KAZN: variants seen among roughly 807,000 people sequenced by gnomAD.
The protein encoded by KAZN is kazrin.
Under a neutral mutation model 87.4 loss-of-function variants are expected in KAZN, and 40 were observed. That is an observed-to-expected ratio of 0.46 (90% CI 0.36 to 0.60). The LOEUF (loss-of-function observed/expected upper bound fraction) is 0.60, where lower values mean the gene tolerates loss of function less well. Ranked by LOEUF, KAZN falls within the 20% of genes least tolerant of loss-of-function variation. The probability of loss-of-function intolerance (pLI) is 0.00; values close to 1 mark genes in which losing one functional copy is unlikely to be tolerated. For missense variants in KAZN, 898 were observed against 1,073.9 expected (o/e 0.84, Z 2.29); for synonymous variants, 466 against 458.3 (o/e 1.02, Z -0.22).
At position 14,637,312 on chromosome 1, in the gene KAZN, C is replaced by G. The variant is rs184262965; in HGVS notation, c.226+38089C>G. ...CACTTTACTGAGAGCCTTCTAGATG[C>G]CGGGCACTGAGCTGAGTTCTTTGCT... is the stretch of plus-strand genomic sequence containing the variant. On this transcript the variant is annotated intron_variant, in intron 1 of 14. Coordinates refer to ENST00000376030, the MANE Select transcript of KAZN (RefSeq NM_201628.3). 2.6e-3 allele frequency among the ~76,000 whole-genome samples: 400 copies of G among 152,276 alleles called. 1 individual carries two copies. Among genetic ancestry groups the G allele is most frequent in the African/African-American group, 8.6e-3 (356 of 41,542 alleles).
At chr1:14,788,896 A>G (rs375086486) in intron 1 of KAZN, among the ~76,000 whole-genome samples, 1 of 152,166 alleles carries the variant, frequency 6.6e-6, no homozygotes, top group African/African-American at 2.4e-5. Context: ...AGACACCACC[A>G]TCAGAATCCC....
At chr1:14,575,673 T>A (rs760575046) in intron 2 of KAZN, among the ~76,000 whole-genome samples, 26 of 152,166 alleles carry the variant, frequency 1.7e-4, no homozygotes, top group Non-Finnish European at 3.2e-4. Flanking sequence ...GTGGTCATGA[T>A]TAAATGGAGG....
intron 2 of KAZN, among the ~76,000 whole-genome samples, chr1:14,396,526 C>G (rs1343891878): frequency 1.3e-5 from 2 of 152,246 alleles, no homozygotes; most frequent in East Asian, 3.8e-4. Flanking sequence ...ACTCACTCCC[C>G]TAACACGTGA....
intron 2 of KAZN, among the ~76,000 whole-genome samples, chr1:14,199,118 C>T (rs949446418): frequency 6.6e-6 from 1 of 152,158 alleles, no homozygotes; most frequent in Non-Finnish European, 1.5e-5. Context: ...ATCTGGGGTA[C>T]TCCTTACTGA....
At chr1:14,597,159 T>C (rs1676561260), upstream of KAZN, among the ~76,000 whole-genome samples, 1 of 152,184 alleles carries the variant, frequency 6.6e-6, no homozygotes, top group South Asian at 2.1e-4. Flanking sequence ...AGTGCCTTGG[T>C]TGGTCCAGTT....
intron 2 of KAZN, among the ~76,000 whole-genome samples, chr1:14,587,600 G>A (rs1217135137): frequency 1.3e-5 from 2 of 151,944 alleles, no homozygotes; most frequent in African/African-American, 4.8e-5. Flanking sequence ...AGGAGTGAGA[G>A]TGGGGGGCGG....
At chr1:14,409,463 A>G (rs1307120744) in intron 2 of KAZN, among the ~76,000 whole-genome samples, 2 of 152,192 alleles carry the variant, frequency 1.3e-5, no homozygotes, top group Non-Finnish European at 2.9e-5. Flanking sequence ...TGTTAAAACA[A>G]AATTATTGTC....
At chr1:14,475,382 G>A (rs1017361357) in intron 2 of KAZN, among the ~76,000 whole-genome samples, 2 of 152,162 alleles carry the variant, frequency 1.3e-5, no homozygotes, top group Non-Finnish European at 2.9e-5. Flanking sequence ...ATAATGTGAA[G>A]AATAAAAGGT....
intron 1 of KAZN, among the ~76,000 whole-genome samples, chr1:14,134,969 GCACACACACACA>G (rs35930772): frequency 7.7e-4 from 76 of 99,072 alleles, no homozygotes; most frequent in African/African-American, 3.1e-3. Context: ...ATATGCACCC[GCACACACACACA>G]CACACACACA....
intron 2 of KAZN, among the ~76,000 whole-genome samples, chr1:14,403,516 A>G (rs1663588481): frequency 6.6e-6 from 1 of 152,232 alleles, no homozygotes; most frequent in Non-Finnish European, 1.5e-5. Context: ...TTTGCAACAT[A>G]TAACTGAATT....
Position 14,554,963 on chromosome 1 carries a change from C to T in KAZN, c.250-44020C>T, listed in dbSNP as rs542814066. On this transcript the variant is annotated intron_variant, in intron 2 of 16. Coordinates refer to the KAZN transcript ENST00000636203. ...GTGCCCCCACAACCATTCCTGTTCC[C>T]GTAAGAGTTCCTTAGCTCCTTTTAG... Among the ~76,000 whole-genome samples the T allele has an allele frequency of 3.3e-5, 5 of 152,304 alleles. No homozygotes were observed. In the South Asian group the frequency reaches 8.3e-4, roughly 25 times the overall value.
rs1223090804 is a variant in KAZN, at chr1:15,065,678, A to G, written c.1147A>G (p.Met383Val). ...AAAACGGAAAAAGAAGAAAGAGAAGATGGGATTCGGCTCCATCTCCCGCGT... is the reference window on the plus strand; with the variant it reads ...AAAACGGAAAAAGAAGAAAGAGAAGGTGGGATTCGGCTCCATCTCCCGCGT... ...DQKRKKKKEK[M>V]GFGSISRVFA... Residue 383 changes from methionine to valine, a missense_variant, in exon 8 of 15, where the codon ATG becomes GTG. Coordinates refer to ENST00000376030, the MANE Select transcript of KAZN (RefSeq NM_201628.3). The G allele has an allele frequency of 5.6e-6, 9 of 1,614,200 alleles. No individual in the cohort carries two copies. The highest frequency in any genetic ancestry group is 7.6e-6 in the Non-Finnish European group (9 of 1,179,998).
At chr1:14,195,589 C>T (rs1646510816) in intron 2 of KAZN, among the ~76,000 whole-genome samples, 1 of 151,262 alleles carries the variant, frequency 6.6e-6, no homozygotes, top group African/African-American at 2.4e-5. Flanking sequence ...GCAGAAATGA[C>T]AAAATTACAG....
At chr1:14,931,435 C>A (rs931411920) in intron 1 of KAZN, among the ~76,000 whole-genome samples, 8 of 151,310 alleles carry the variant, frequency 5.3e-5, no homozygotes, top group Admixed American at 3.3e-4. Flanking sequence ...GGCAACAGAG[C>A]AAGACTCTGT....
At chr1:15,040,179 C>T (rs911113768) in intron 3 of KAZN, among the ~76,000 whole-genome samples, 2 of 152,176 alleles carry the variant, frequency 1.3e-5, no homozygotes, top group Admixed American at 1.3e-4. Flanking sequence ...AGCCACAAGT[C>T]CTGGTTTTAT....
intron 2 of KAZN, among the ~76,000 whole-genome samples, chr1:14,461,124 T>G (rs1032877597): frequency 6.6e-6 from 1 of 152,208 alleles, no homozygotes; most frequent in African/African-American, 2.4e-5. Context: ...TCCCATTTCC[T>G]CACTGGGACC....
chr1:14,539,869 G>C (rs1366930760), intron 2 of KAZN, among the ~76,000 whole-genome samples: 1 of 152,034 alleles, frequency 6.6e-6, no homozygotes, highest in East Asian at 1.9e-4. Flanking sequence ...ATTTTTCAAG[G>C]GAAAGTCACC....
chr1:13,925,903 G>A (rs917474746), intron 1 of KAZN, among the ~76,000 whole-genome samples: 1 of 152,164 alleles, frequency 6.6e-6, no homozygotes, highest in African/African-American at 2.4e-5. Flanking sequence ...GATGATTGAA[G>A]TTGGGGAGTG....
Position 14,710,952 on chromosome 1 carries a change from G to T in KAZN, c.226+111729G>T, listed in dbSNP as rs1385817968. 2.6e-5 allele frequency among the ~76,000 whole-genome samples: 4 copies of T among 152,334 alleles called. No individual in the cohort carries two copies. The East Asian group carries it at 7.7e-4, about 29-fold the overall frequency. On this transcript the variant is annotated intron_variant, in intron 1 of 14. Transcript: ENST00000376030. ...TAATCCCAGCACTTAGGGAGGCCAA[G>T]GTGGGAGGATCACTTGAGGCCAGGA...
Sources: allele counts gnomAD v4.1 joint callset (sites outside exome capture counted in the v4.1 genomes callset), GRCh38; gene constraint gnomAD v4.1.1; transcripts MANE v1.5; gene names NCBI Gene and HGNC (gene_info 2026-07-23, HGNC 2026-07-21).